Variants in FAM167A observed in about 807,000 individuals in gnomAD.
The protein encoded by FAM167A is protein FAM167A.
A neutral mutation model predicts 14.9 loss-of-function variants in FAM167A; 23 were observed. The observed-to-expected ratio is 1.55, with a 90% CI of 1.11 to 2.19. The LOEUF (loss-of-function observed/expected upper bound fraction) is 2.19, where lower values mean the gene tolerates loss of function less well. FAM167A is among the 30% of genes most tolerant of loss of function. The pLI, the probability that FAM167A is intolerant of heterozygous loss-of-function variation, is 0.00. For synonymous variants in FAM167A, 174 were observed against 117.7 expected (o/e 1.48, Z -3.10); for missense variants, 401 against 281.5 (o/e 1.42, Z -3.04).
rs1804720272 is a variant in FAM167A, at chr8:11,421,490, G to T, written c.*2883C>A. Reference sequence around the variant, plus strand: ...TTTTTCTCTCCTTTTATTTTTATATGGATATCTTCTTTTGAAGTATTTTTA... The same window carrying T: ...TTTTTCTCTCCTTTTATTTTTATATTGATATCTTCTTTTGAAGTATTTTTA... On this transcript the variant is annotated 3_prime_UTR_variant, in exon 3 of 3. Coordinates refer to ENST00000284486, the MANE Select transcript of FAM167A (RefSeq NM_053279.3). 1 of 356,606 alleles carries T rather than the reference G, an allele frequency of 2.8e-6. No homozygotes were observed. Among genetic ancestry groups the T allele is most frequent in the Non-Finnish European group, 5.0e-6 (1 of 200,314 alleles). 22.1% of individuals were successfully genotyped at this position (356,606 alleles called of 1,614,324 possible). A position where few individuals can be genotyped will look rare whatever the true frequency, so the allele number is the denominator to read the frequency against.
chr8:11,434,256 C>G (rs1031316686), intron 2 of FAM167A: 2 of 152,252 alleles, frequency 1.3e-5, no homozygotes, highest in African/African-American at 2.4e-5. Context: ...GAGCCGAGGC[C>G]GCACTCACGC....
At chr8:11,470,491 G>A (rs1807926341), upstream of FAM167A, among the ~76,000 whole-genome samples, 1 of 152,178 alleles carries the variant, frequency 6.6e-6, no homozygotes, top group Non-Finnish European at 1.5e-5. Context: ...AGAGCCCTTG[G>A]GCCTGGCAGA....
At chr8:11,446,090 C>T (rs902996367) in intron 1 of FAM167A, among the ~76,000 whole-genome samples, 13 of 148,380 alleles carry the variant, frequency 8.8e-5, no homozygotes, top group African/African-American at 3.3e-4. Context: ...GGGAACTGGG[C>T]AGAAGGGAGG....
chr8:11,461,270 G>C (rs576683704), intron 1 of FAM167A, among the ~76,000 whole-genome samples: 10 of 152,252 alleles, frequency 6.6e-5, no homozygotes, highest in Non-Finnish European at 1.2e-4. Flanking sequence ...CTGAGAATCT[G>C]ACAGTTTGGA....
At chr8:11,475,234 C>A (rs983650617) in intron 1 of FAM167A, among the ~76,000 whole-genome samples, 5 of 152,162 alleles carry the variant, frequency 3.3e-5, no homozygotes, top group African/African-American at 1.2e-4. Flanking sequence ...TCCCTGTGCC[C>A]CTCCAGCCTG....
chr8:11,473,500 A>G (rs766955082), intron 1 of FAM167A, among the ~76,000 whole-genome samples: 37 of 152,224 alleles, frequency 2.4e-4, no homozygotes, highest in Non-Finnish European at 4.4e-4. Flanking sequence ...TACTGAGGAC[A>G]AAGCCTCCCT....
intron 2 of FAM167A, among the ~76,000 whole-genome samples, 170 bp downstream of exon 2, chr8:11,443,861 T>C (rs754717251): frequency 6.6e-5 from 10 of 150,836 alleles, no homozygotes; most frequent in Non-Finnish European, 1.3e-4. Context: ...CACATACAAA[T>C]GACGCCTGCC....
chr8:11,441,638 T>C (rs1806444384), intron 2 of FAM167A, among the ~76,000 whole-genome samples: 1 of 152,202 alleles, frequency 6.6e-6, no homozygotes, highest in Non-Finnish European at 1.5e-5. Context: ...CTCTACCCTG[T>C]ATGAGTTCCA....
rs1806651916 is a variant in FAM167A at position 11,444,417 on chromosome 8, A to G, written c.-6T>C. On this transcript the variant is annotated 5_prime_UTR_variant, in exon 2 of 3. Coordinates refer to ENST00000284486, the MANE Select transcript of FAM167A (RefSeq NM_053279.3). ...TGGATCTGGGGCACAGACATTCTACAGTCTGCCCTGGCAGCCGGACATGCG... is the reference window on the plus strand; with the variant it reads ...TGGATCTGGGGCACAGACATTCTACGGTCTGCCCTGGCAGCCGGACATGCG... The G allele has an allele frequency of 6.5e-7, 1 of 1,527,002 alleles. No homozygotes were observed. Among genetic ancestry groups the G allele is most frequent in the African/African-American group, 1.4e-5 (1 of 71,694 alleles). The allele number at this position is 1,527,002 out of a possible 1,614,324, so 94.6% of individuals were successfully genotyped here.
chr8:11,470,728 C>T (rs182843683), upstream of FAM167A, among the ~76,000 whole-genome samples: 1 of 152,192 alleles, frequency 6.6e-6, no homozygotes, highest in East Asian at 1.9e-4. Flanking sequence ...CTAAGGGTGG[C>T]GACATCCCTG....
chr8:11,451,533 T>C (rs889793687), intron 1 of FAM167A, among the ~76,000 whole-genome samples: 1 of 152,232 alleles, frequency 6.6e-6, no homozygotes, highest in Admixed American at 6.5e-5. Flanking sequence ...ACCCTCTCCT[T>C]TCCTGTGTGG....
At chr8:11,439,033 C>A (rs745333325) in intron 2 of FAM167A, among the ~76,000 whole-genome samples, 2 of 152,204 alleles carry the variant, frequency 1.3e-5, no homozygotes, top group Non-Finnish European at 2.9e-5. Context: ...CAGCTCAGGG[C>A]CCCTTGACTT....
intron 2 of FAM167A, among the ~76,000 whole-genome samples, chr8:11,426,729 G>A (rs1805193914): frequency 6.6e-6 from 1 of 152,146 alleles, no homozygotes; most frequent in Admixed American, 6.5e-5. Context: ...ATTCTTTTGG[G>A]TCTTTGATCA....
At chr8:11,472,167 G>C (rs1807979448), upstream of FAM167A, among the ~76,000 whole-genome samples, 1 of 152,212 alleles carries the variant, frequency 6.6e-6, no homozygotes, top group Admixed American at 6.5e-5. Flanking sequence ...GGACTGATTT[G>C]AGCCTTTCTT....
chr8:11,438,302 G>C (rs376518392), intron 2 of FAM167A: 2 of 402,616 alleles, frequency 5.0e-6, no homozygotes, highest in African/African-American at 4.1e-5. Context: ...CTCCCGGTTG[G>C]GGTCAGCTGC....
intron 1 of FAM167A, among the ~76,000 whole-genome samples, chr8:11,464,514 T>C (rs1807675477): frequency 6.6e-6 from 1 of 152,178 alleles, no homozygotes; most frequent in South Asian, 2.1e-4. Context: ...GTCTGTGCTT[T>C]TCCTTCCTGT....
intron 1 of FAM167A, among the ~76,000 whole-genome samples, chr8:11,473,837 GT>G (rs935621370): frequency 6.6e-6 from 1 of 152,010 alleles, no homozygotes; most frequent in South Asian, 2.1e-4. Flanking sequence ...GGGAATGGTG[GT>G]TTTTTTGTTT....
rs561322004 is a variant in FAM167A at position 11,424,483 on chromosome 8, C to T, written c.535G>A (p.Asp179Asn). The T allele has an allele frequency of 4.3e-6, 7 of 1,614,130 alleles. No homozygotes were observed. Among genetic ancestry groups the T allele is most frequent in the African/African-American group, 1.3e-5 (1 of 75,042 alleles). ...YELEERDELADLFCDSPLASS... is the reference protein window; with the variant it reads ...YELEERDELANLFCDSPLASS... The stretch of plus-strand genomic sequence containing the variant: ...GCAAGAGGGGAGTCACAGAAGAGGT[C>T]GGCCAGCTCATCCCGCTCCTCCAGC... Residue 179 changes from aspartate (D) to asparagine (N), a missense_variant, in exon 3 of 3, where the codon GAC (aspartate) becomes AAC (asparagine). Transcript: ENST00000284486.
intron 1 of FAM167A, among the ~76,000 whole-genome samples, chr8:11,460,390 G>C (rs148499420): frequency 6.6e-6 from 1 of 152,154 alleles, no homozygotes; most frequent in African/African-American, 2.4e-5. Context: ...GATGACCTCC[G>C]TGCCCTCTTC....
Sources: gnomAD v4.1 joint callset for allele counts (sites outside exome capture counted in the v4.1 genomes callset) on GRCh38, gnomAD v4.1.1 for gene constraint, MANE v1.5 for transcripts, NCBI Gene and HGNC (gene_info 2026-07-23, HGNC 2026-07-21) for gene names.